The following C14orf132 variants were observed in gnomAD, a reference collection of about 807,000 sequenced individuals.
The protein encoded by C14orf132 is chromosome 14 open reading frame 132.
A neutral mutation model predicts 5.8 loss-of-function variants in C14orf132; 6 were observed. The ratio of observed to expected loss-of-function variants is 1.03; its 90% CI spans 0.57 to 2.04. The LOEUF (loss-of-function observed/expected upper bound fraction) is 2.04. Among genes scored for constraint, C14orf132 ranks in the 30% most tolerant of loss-of-function variants. C14orf132 has a pLI of 0.00. For synonymous variants in C14orf132, 51 were observed against 49.8 expected (o/e 1.02, Z -0.10); for missense variants, 125 against 115.8 (o/e 1.08, Z -0.37).
At chr14:96,067,203 C>T (rs1241811280) in intron 1 of C14orf132, among the ~76,000 whole-genome samples, 2 of 152,190 alleles carry the variant, frequency 1.3e-5, no homozygotes, top group Non-Finnish European at 2.9e-5. Flanking sequence ...CGTGCCAGCA[C>T]TTCTGTCAAA....
At chr14:96,043,686 G>C (rs1490785082) in intron 1 of C14orf132, among the ~76,000 whole-genome samples, 1 of 152,112 alleles carries the variant, frequency 6.6e-6, no homozygotes, top group Non-Finnish European at 1.5e-5. Flanking sequence ...GACTCAGAGT[G>C]TAAGCCCACC....
intron 1 of C14orf132, among the ~76,000 whole-genome samples, chr14:96,050,765 G>A (rs925322433): frequency 6.6e-6 from 1 of 151,828 alleles, no homozygotes; most frequent in Non-Finnish European, 1.5e-5. Flanking sequence ...GGCTCATCTT[G>A]CCAATTTCCC....
chr14:96,083,032 C>T (rs1888074267), intron 1 of C14orf132, among the ~76,000 whole-genome samples: 1 of 152,186 alleles, frequency 6.6e-6, no homozygotes, highest in Admixed American at 6.5e-5. Flanking sequence ...ATCCGTCCCA[C>T]ACTGACCATC....
intron 1 of C14orf132, among the ~76,000 whole-genome samples, chr14:96,075,685 TTG>T (rs1399927515): frequency 6.6e-6 from 1 of 152,200 alleles, no homozygotes; most frequent in African/African-American, 2.4e-5. Flanking sequence ...ACTGATATGA[TTG>T]TTTTGTTTCT....
Position 96,090,477 on chromosome 14 carries a change from A to G in C14orf132, c.*3742A>G. The G allele has an allele frequency of 2.7e-6, 1 of 368,440 alleles. No homozygotes were observed. The highest frequency in any genetic ancestry group is 3.5e-5 in the Admixed American group (1 of 28,758). 22.8% of individuals were successfully genotyped at this position (368,440 alleles called of 1,614,324 possible). ...GTGGCCACCACTGAAGGTCTTTGAG[A>G]AGAGGCCAGACGCCGCTGTAGCCAG... is the stretch of plus-strand genomic sequence containing the variant. On this transcript the variant is annotated 3_prime_UTR_variant, in exon 2 of 2. Transcript: ENST00000555004.
intron 1 of C14orf132, among the ~76,000 whole-genome samples, chr14:96,078,720 T>A (rs140980244): frequency 6.6e-6 from 1 of 152,158 alleles, no homozygotes; most frequent in Non-Finnish European, 1.5e-5. Context: ...ACATCTCCCT[T>A]TGGGACCCCT....
chr14:96,060,978 A>G (rs1458168180), intron 1 of C14orf132, among the ~76,000 whole-genome samples: 2 of 152,232 alleles, frequency 1.3e-5, no homozygotes, highest in African/African-American at 4.8e-5. Flanking sequence ...CAAGTTTGAA[A>G]AAGTCCTTCC....
In C14orf132 at chr14:96,091,413, C is replaced by T. The variant is rs548157285; in HGVS notation, c.*4678C>T. On this transcript the variant is annotated 3_prime_UTR_variant, in exon 2 of 2. Transcript: ENST00000555004. ...ATTTTTCGGGGAGAGCAGCTGAGGC[C>T]GTGTGGAAAATTAGTGGAGAGCTGA... 3.3e-4 allele frequency: 67 copies of T among 203,396 alleles called. No homozygotes were observed. In the South Asian group the frequency reaches 4.8e-3, roughly 15 times the overall value. The allele number at this position is 203,396 out of a possible 1,614,324, so 12.6% of individuals were successfully genotyped here.
chr14:96,074,355 T>G (rs1781706686), intron 1 of C14orf132, among the ~76,000 whole-genome samples: 1 of 152,226 alleles, frequency 6.6e-6, no homozygotes, highest in Non-Finnish European at 1.5e-5. Flanking sequence ...ATGGAGAAAA[T>G]GTTTTTAATT....
chr14:96,077,423 A>G (rs1470448267), intron 1 of C14orf132, among the ~76,000 whole-genome samples: 2 of 152,112 alleles, frequency 1.3e-5, no homozygotes, highest in African/African-American at 4.8e-5. Context: ...ATTAAGTTAA[A>G]ATGAGGTCAC....
chr14:96,079,464 C>T (rs1887968337), intron 1 of C14orf132, among the ~76,000 whole-genome samples: 1 of 148,204 alleles, frequency 6.7e-6, no homozygotes, highest in South Asian at 2.2e-4. Flanking sequence ...GTGCACATGA[C>T]ACCATTTTAT....
intron 1 of C14orf132, among the ~76,000 whole-genome samples, chr14:96,046,456 C>T (rs1886833820): frequency 6.6e-6 from 1 of 152,194 alleles, no homozygotes; most frequent in African/African-American, 2.4e-5. Context: ...AGGAGGTAGG[C>T]CATGGCTTTA....
At chr14:96,066,253 C>A (rs1214867929) in intron 1 of C14orf132, among the ~76,000 whole-genome samples, 2 of 152,186 alleles carry the variant, frequency 1.3e-5, no homozygotes, top group East Asian at 3.8e-4. Context: ...GTCCCCAGGG[C>A]CCTGGACCAC....
chr14:96,066,229 G>A (rs1290207347), intron 1 of C14orf132, among the ~76,000 whole-genome samples: 7 of 152,232 alleles, frequency 4.6e-5, no homozygotes, highest in African/African-American at 1.4e-4. Flanking sequence ...CATGGGATGC[G>A]CGTGGAGGAC....
intron 1 of C14orf132, among the ~76,000 whole-genome samples, chr14:96,076,362 A>G (rs557233195): frequency 5.3e-5 from 8 of 152,280 alleles, no homozygotes; most frequent in Admixed American, 3.3e-4. Context: ...ATCTTTTAAA[A>G]GAACCAGTTT....
chr14:96,069,183 A>ATATATATATATATATATATATATG, intron 1 of C14orf132, among the ~76,000 whole-genome samples: 1 of 134,288 alleles, frequency 7.4e-6, no homozygotes, highest in South Asian at 2.4e-4. Flanking sequence ...ATATATGTAT[A>ATATATATATATATATATATATATG]TATATATATA....
At chr14:96,066,362 G>A (rs138091069) in intron 1 of C14orf132, among the ~76,000 whole-genome samples, 147 of 152,218 alleles carry the variant, frequency 9.7e-4, no homozygotes, top group African/African-American at 3.2e-3. Flanking sequence ...CTCCCCCTGC[G>A]TTGTGCTGAG....
At chr14:96,078,191 C>T (rs1387555496) in intron 1 of C14orf132, among the ~76,000 whole-genome samples, 1 of 152,262 alleles carries the variant, frequency 6.6e-6, no homozygotes, top group Non-Finnish European at 1.5e-5. Context: ...GGGCCCTTCC[C>T]TGGCTTCCTC....
At chr14:96,066,108 G>A (rs1185708595) in intron 1 of C14orf132, among the ~76,000 whole-genome samples, 1 of 152,134 alleles carries the variant, frequency 6.6e-6, no homozygotes. Flanking sequence ...GGGAGGTGGG[G>A]CATCTCAAAC....
Sources: gnomAD v4.1 joint callset for allele counts (sites outside exome capture counted in the v4.1 genomes callset) on GRCh38, gnomAD v4.1.1 for gene constraint, MANE v1.5 for transcripts, NCBI Gene and HGNC (gene_info 2026-07-23, HGNC 2026-07-21) for gene names.